Variants in TLE3 observed in about 807,000 individuals in gnomAD.
TLE3 encodes the protein TLE family member 3, transcriptional corepressor.
Under a neutral mutation model 93.0 loss-of-function variants are expected in TLE3, and 14 were observed. The observed-to-expected ratio is 0.15, with a 90% CI of 0.10 to 0.24. The LOEUF is 0.24. Among genes scored for constraint, TLE3 ranks in the 10% least tolerant of loss-of-function variants. TLE3 has a pLI of 1.00. For synonymous variants in TLE3, 451 were observed against 425.0 expected (o/e 1.06, Z -0.75); for missense variants, 693 against 1,046.6 (o/e 0.66, Z 4.66).
intron 2 of TLE3, 143 bp from the exon 3 acceptor site, chr15:70,095,784 C>T (rs971949100): frequency 6.8e-6 from 7 of 1,032,648 alleles, no homozygotes; most frequent in South Asian, 6.8e-5. Context: ...CCTGGGGACG[C>T]GGGGGGATTT....
At chr15:70,080,848 A>G (rs984382390) in intron 4 of TLE3, among the ~76,000 whole-genome samples, 1 of 152,176 alleles carries the variant, frequency 6.6e-6, no homozygotes, top group Non-Finnish European at 1.5e-5. Flanking sequence ...TGTACCCCCC[A>G]GCAACCTCCT....
At position 70,051,602 on chromosome 15, in the gene TLE3, G is replaced by A. The variant is rs543538947; in HGVS notation, c.2126-135C>T. 1.0e-4 allele frequency: 43 copies of A among 416,988 alleles called. 1 individual carries two copies. In the East Asian group the frequency reaches 4.8e-3, roughly 47 times the overall value. The allele number at this position is 416,988 out of a possible 1,614,324, so 25.8% of individuals were successfully genotyped here. A position where few individuals can be genotyped will look rare whatever the true frequency, so the allele number is the denominator to read the frequency against. On this transcript the variant is annotated intron_variant, in intron 18 of 19. Transcript: ENST00000451782. The stretch of plus-strand genomic sequence containing the variant: ...TAGTATAACTCTCCAATTTCGAGAG[G>A]CATTTTGCAAATGGGACATGCGGAC...
chr15:70,057,669 T>C lies in TLE3; in HGVS notation c.1052-11A>G, dbSNP rs1327573523. 1.3e-6 allele frequency: 2 copies of C among 1,559,062 alleles called. No homozygotes were observed. Among genetic ancestry groups the C allele is most frequent in the Non-Finnish European group, 1.7e-6 (2 of 1,158,978 alleles). ...TGCGCAGAGCCGAGGCTGCGAGGGG[T>C]GGGCGTCAGGGAGGTGGGCCTTAGG... On this transcript the variant is annotated splice_polypyrimidine_tract_variant and intron_variant, in intron 12 of 19. Coordinates refer to ENST00000451782, the MANE Select transcript of TLE3 (RefSeq NM_001105192.3).
At chr15:70,053,404 G>C (rs545455201) in intron 16 of TLE3, 30 bp from the exon 17 acceptor site, 1 of 1,582,914 alleles carries the variant, frequency 6.3e-7, no homozygotes, top group East Asian at 2.3e-5. Flanking sequence ...AGGAGGGTGA[G>C]TCCCGGGAAC....
At chr15:70,095,726 T>C (rs898112810) in intron 2 of TLE3, 85 bp from the exon 3 acceptor site, 23 of 1,476,064 alleles carry the variant, frequency 1.6e-5, no homozygotes, top group Non-Finnish European at 1.2e-5. Context: ...TAGAGCCACT[T>C]TTCCACTTTC....
chr15:70,095,752 G>T, intron 2 of TLE3, 111 bp from the exon 3 acceptor site: 3 of 1,346,808 alleles, frequency 2.2e-6, no homozygotes, highest in East Asian at 2.5e-5. Context: ...ACCCCCCCGG[G>T]GGCGCCCCCA....
At chr15:70,071,254 C>G (rs2057140934) in intron 6 of TLE3, among the ~76,000 whole-genome samples, 1 of 152,136 alleles carries the variant, frequency 6.6e-6, no homozygotes. Flanking sequence ...AAGCATGTAA[C>G]AGAAACAGGG....
chr15:70,080,967 T>C (rs1399975008), intron 4 of TLE3, among the ~76,000 whole-genome samples: 2 of 152,154 alleles, frequency 1.3e-5, no homozygotes, highest in African/African-American at 4.8e-5. Context: ...TGTCTGCTAG[T>C]TAGTTTTAAA....
At chr15:70,070,085 A>G (rs1435042211) in intron 6 of TLE3, among the ~76,000 whole-genome samples, 1 of 152,242 alleles carries the variant, frequency 6.6e-6, no homozygotes, top group Admixed American at 6.5e-5. Context: ...CATCCACAAT[A>G]TGAAAGGAAG....
chr15:70,070,721 A>T (rs1314578201), intron 6 of TLE3, among the ~76,000 whole-genome samples: 1 of 152,126 alleles, frequency 6.6e-6, no homozygotes, highest in Non-Finnish European at 1.5e-5. Flanking sequence ...GCCCAGACTC[A>T]AACTCAGCGT....
At chr15:70,062,187 T>C (rs1567003260) in intron 8 of TLE3, among the ~76,000 whole-genome samples, 1 of 152,228 alleles carries the variant, frequency 6.6e-6, no homozygotes, top group Admixed American at 6.5e-5. Flanking sequence ...ATAATGGAAC[T>C]GCAGCTCAAC....
intron 19 of TLE3, 63 bp downstream of exon 19, chr15:70,051,328 T>C (rs955337508): frequency 6.7e-7 from 1 of 1,492,910 alleles, no homozygotes; most frequent in Non-Finnish European, 9.1e-7. Flanking sequence ...CTCACTCCCA[T>C]CACCATCACC....
intron 4 of TLE3, among the ~76,000 whole-genome samples, chr15:70,080,917 T>A (rs2141899400): frequency 6.6e-6 from 1 of 152,328 alleles, no homozygotes; most frequent in Non-Finnish European, 1.5e-5. Context: ...TAGGTGACTG[T>A]GTCCAACACA....
chr15:70,050,039 C>CT lies in TLE3; in HGVS notation c.*57_*58insA. ...CTCGGGGCCCCTCGCCTGGGGGTCT[C>CT]CCTGTCAGAGCCGAGTCGGTTTCTC... is the stretch of plus-strand genomic sequence containing the variant. On this transcript the variant is annotated 3_prime_UTR_variant, in exon 20 of 20. Transcript: ENST00000451782. The CT allele has an allele frequency of 6.7e-7, 1 of 1,500,544 alleles. No homozygotes were observed. The highest frequency in any genetic ancestry group is 1.7e-4 in the Middle Eastern group (1 of 5,822). The allele number at this position is 1,500,544 out of a possible 1,614,324, so 93.0% of individuals were successfully genotyped here.
chr15:70,070,642 A>T (rs1422068447), intron 6 of TLE3, among the ~76,000 whole-genome samples: 3 of 152,120 alleles, frequency 2.0e-5, no homozygotes, highest in Non-Finnish European at 4.4e-5. Context: ...AACCCTTGTG[A>T]TCCCCACTTC....
chr15:70,063,811 C>T (rs8039718), intron 8 of TLE3, among the ~76,000 whole-genome samples: 22,185 of 152,206 alleles, frequency 0.15, 1,701 homozygotes, highest in Non-Finnish European at 0.17. Context: ...GACACGCAGG[C>T]GGCCTGGCCT....
intron 8 of TLE3, 127 bp downstream of exon 8, chr15:70,064,327 G>T: frequency 8.8e-7 from 1 of 1,131,876 alleles, no homozygotes; most frequent in East Asian, 2.6e-5. Context: ...CAGAGCAGAA[G>T]CGGGAACCCA....
chr15:70,088,890 A>G (rs1413076506), intron 4 of TLE3, among the ~76,000 whole-genome samples: 1 of 110,262 alleles, frequency 9.1e-6, no homozygotes, highest in South Asian at 3.3e-4. Flanking sequence ...CCCCGCCCCC[A>G]CCCCCACCCC....
In TLE3 at chr15:70,079,789, G is replaced by A. The variant is rs539442248; in HGVS notation, c.235-3631C>T. 2.5e-3 allele frequency among the ~76,000 whole-genome samples: 385 copies of A among 152,078 alleles called. 2 individuals carry two copies. The highest frequency in any genetic ancestry group is 8.9e-3 in the African/African-American group (369 of 41,460). On this transcript the variant is annotated intron_variant, in intron 4 of 19. Transcript: ENST00000451782. Reference sequence around the variant, plus strand: ...ACCGCTGATATCACCCACCCAACTCGCCATGTGTGCATCCACAATAACCCC... The same window carrying A: ...ACCGCTGATATCACCCACCCAACTCACCATGTGTGCATCCACAATAACCCC...
Sources: gnomAD v4.1 joint callset for allele counts (sites outside exome capture counted in the v4.1 genomes callset) on GRCh38, gnomAD v4.1.1 for gene constraint, MANE v1.5 for transcripts, NCBI Gene and HGNC (gene_info 2026-07-23, HGNC 2026-07-21) for gene names.